Variants in GLIS3 observed in about 807,000 individuals in gnomAD.
GLIS3 encodes the protein GLIS family zinc finger 3.
GLIS3 carries 53 observed loss-of-function variants against 78.6 expected under a neutral mutation model. That is an observed-to-expected ratio of 0.67 (90% CI 0.54 to 0.85). The LOEUF is 0.85. Ranked by LOEUF, GLIS3 falls within the 40% of genes least tolerant of loss-of-function variation. The pLI is 0.00. For missense variants in GLIS3, 1,703 were observed against 1,231.1 expected, an observed-to-expected ratio of 1.38 and a Z score of -5.74; for synonymous variants, 684 against 509.9, an observed-to-expected ratio of 1.34 and a Z score of -4.60.
At chr9:4,192,975 A>G (rs1011583106) in intron 2 of GLIS3, among the ~76,000 whole-genome samples, 7 of 152,256 alleles carry the variant, frequency 4.6e-5, no homozygotes, top group African/African-American at 1.4e-4. Flanking sequence ...AGTGCAAGCT[A>G]TGAACTGGCA....
intron 3 of GLIS3, among the ~76,000 whole-genome samples, chr9:4,309,653 T>C (rs547706560): frequency 2.2e-4 from 34 of 152,340 alleles, no homozygotes; most frequent in African/African-American, 7.2e-4. Context: ...TGATGACTGA[T>C]TTACATACAC....
At chr9:4,230,291 T>G (rs779779848) in intron 2 of GLIS3, among the ~76,000 whole-genome samples, 10 of 152,102 alleles carry the variant, frequency 6.6e-5, no homozygotes, top group Non-Finnish European at 1.5e-4. Context: ...CGAAGGTCAA[T>G]GAAATACCGA....
At chr9:4,098,325 T>C (rs1830117985) in intron 4 of GLIS3, among the ~76,000 whole-genome samples, 1 of 152,128 alleles carries the variant, frequency 6.6e-6, no homozygotes, top group Non-Finnish European at 1.5e-5. Flanking sequence ...TGTCCCTCTG[T>C]GACACAAGAA....
intron 1 of GLIS3, among the ~76,000 whole-genome samples, chr9:4,297,845 GGC>G (rs1156392890): frequency 3.3e-5 from 5 of 152,182 alleles, no homozygotes; most frequent in African/African-American, 1.2e-4. Flanking sequence ...GCGGGGGAGA[GGC>G]GCGTAGGACA....
intron 2 of GLIS3, among the ~76,000 whole-genome samples, chr9:4,254,663 A>G (rs1824738164): frequency 6.6e-6 from 1 of 152,014 alleles, no homozygotes; most frequent in Non-Finnish European, 1.5e-5. Context: ...AACATGGTGA[A>G]ACCCCATCTC....
At chr9:4,430,028 TAAAC>T in the GLIS3 span, among the ~76,000 whole-genome samples, 60 of 150,666 alleles carry the variant, frequency 4.0e-4, no homozygotes, top group African/African-American at 5.4e-4. Context: ...CTCTTTCTAT[TAAAC>T]AAACAAACAA....
intron 4 of GLIS3, among the ~76,000 whole-genome samples, chr9:4,050,613 ATT>A (rs113068380): frequency 6.7e-6 from 1 of 149,840 alleles, no homozygotes; most frequent in Non-Finnish European, 1.5e-5. Context: ...AATAAAAGTA[ATT>A]TTAAAAAAAT....
At chr9:4,054,146 G>C (rs1053268388) in intron 4 of GLIS3, 1 of 161,768 alleles carries the variant, frequency 6.2e-6, no homozygotes, top group African/African-American at 2.4e-5. Context: ...AGCTTGGAGA[G>C]GTTAACCACC....
In GLIS3 at chr9:4,118,198, A is replaced by C. The variant is rs1263156337; in HGVS notation, c.1280T>G (p.Leu427Arg). 6.3e-7 allele frequency: 1 copy of C among 1,585,056 alleles called. No individual in the cohort carries two copies. Among genetic ancestry groups the C allele is most frequent in the East Asian group, 2.3e-5 (1 of 44,234 alleles). Residue 427 changes from leucine (L) to arginine (R), a missense_variant, in exon 4 of 11, where the codon CTG (leucine) becomes CGG (arginine). By Grantham distance (102) the Leu-to-Arg change is moderately radical. Transcript: ENST00000381971. This position sits in a 1 kb window ranked among gnomAD's most constrained non-coding sequence, Gnocchi z 4.7. ...CTCCTCCAGGCGTTCGGTCTTGAACAGGCCGGCCGACTGGCTGTCGGGGCC... is the reference window on the plus strand; with the variant it reads ...CTCCTCCAGGCGTTCGGTCTTGAACCGGCCGGCCGACTGGCTGTCGGGGCC... ...LPGPDSQSAG[L>R]FKTERLEEFP...
chr9:3,900,076 G>A (rs1326647176), intron 6 of GLIS3, among the ~76,000 whole-genome samples: 3 of 151,984 alleles, frequency 2.0e-5, no homozygotes, highest in South Asian at 2.1e-4. Flanking sequence ...CAAGCAGGGT[G>A]AGCCTGGGGC....
intron 2 of GLIS3, among the ~76,000 whole-genome samples, chr9:4,202,857 G>A (rs534639297): frequency 1.3e-5 from 2 of 152,176 alleles, no homozygotes; most frequent in African/African-American, 4.8e-5. Context: ...ACCTCAAACT[G>A]TAAGAATCCT....
At chr9:4,409,941 T>C in the GLIS3 span, among the ~76,000 whole-genome samples, 1 of 152,048 alleles carries the variant, frequency 6.6e-6, no homozygotes. Flanking sequence ...AACACAGAAA[T>C]AATGTGGTTT....
intron 2 of GLIS3, among the ~76,000 whole-genome samples, chr9:4,194,659 G>A (rs972361906): frequency 1.3e-5 from 2 of 152,146 alleles, no homozygotes; most frequent in African/African-American, 4.8e-5. Context: ...GGAGAATAGA[G>A]ACAAACAGCC....
At chr9:4,405,896 G>C in the GLIS3 span, among the ~76,000 whole-genome samples, 1 of 152,292 alleles carries the variant, frequency 6.6e-6, no homozygotes, top group Non-Finnish European at 1.5e-5. Flanking sequence ...TTATCCCAGG[G>C]ATGCAAGGAT....
At chr9:4,006,381 T>C (rs972213245) in intron 4 of GLIS3, among the ~76,000 whole-genome samples, 2 of 117,912 alleles carry the variant, frequency 1.7e-5, no homozygotes, top group African/African-American at 6.5e-5. Context: ...TTTTAAAAAA[T>C]AGAGTAAATG....
chr9:3,913,790 C>T (rs1469461473), intron 6 of GLIS3, among the ~76,000 whole-genome samples: 2 of 152,156 alleles, frequency 1.3e-5, no homozygotes, highest in African/African-American at 4.8e-5. Context: ...AATATGTGTG[C>T]ACATCATAAA....
intron 2 of GLIS3, among the ~76,000 whole-genome samples, chr9:4,154,292 A>C (rs1834895462): frequency 6.6e-6 from 1 of 152,340 alleles, no homozygotes; most frequent in South Asian, 2.1e-4. Flanking sequence ...ACATCACAAA[A>C]GAGAATATAG....
chr9:4,452,793 A>G, the GLIS3 span, among the ~76,000 whole-genome samples: 1 of 152,054 alleles, frequency 6.6e-6, no homozygotes, highest in Non-Finnish European at 1.5e-5. Flanking sequence ...TGTTTTCTTT[A>G]CAGAATTAGA....
chr9:4,397,963 C>T, the GLIS3 span, among the ~76,000 whole-genome samples: 1 of 152,004 alleles, frequency 6.6e-6, no homozygotes, highest in Non-Finnish European at 1.5e-5. Flanking sequence ...CACTGTTCCC[C>T]GTCTCCTACA....
Sources: gnomAD v4.1 joint callset for allele counts (sites outside exome capture counted in the v4.1 genomes callset) on GRCh38, gnomAD v4.1.1 for gene constraint, Gnocchi (gnomAD v3.1) non-coding constraint, MANE v1.5 for transcripts, NCBI Gene and HGNC (gene_info 2026-07-23, HGNC 2026-07-21) for gene names.